Variants in GDPD4 observed in about 807,000 individuals in gnomAD.
GDPD4 encodes glycerophosphodiester phosphodiesterase domain containing 4.
In GDPD4, 60 loss-of-function variants were observed where a neutral mutation model predicts 67.8. The ratio of observed to expected loss-of-function variants is 0.88; its 90% CI spans 0.72 to 1.10. The LOEUF (loss-of-function observed/expected upper bound fraction) is 1.10. Among genes scored for constraint, GDPD4 ranks in the 50% least tolerant of loss-of-function variants. The probability of loss-of-function intolerance (pLI) is 0.00; values close to 1 mark genes in which losing one functional copy is unlikely to be tolerated. For missense variants in GDPD4, 623 were observed against 613.9 expected (o/e 1.01, Z -0.16); for synonymous variants, 212 against 210.9 (o/e 1.00, Z -0.04).
intron 1 of GDPD4, among the ~76,000 whole-genome samples, chr11:77,295,845 A>G (rs1351335842): frequency 1.3e-5 from 2 of 152,208 alleles, no homozygotes; most frequent in Non-Finnish European, 2.9e-5. Context: ...AGATTGGGAG[A>G]AAAACTGTCC....
chr11:77,239,451 A>T (rs2135838308), intron 13 of GDPD4, among the ~76,000 whole-genome samples: 1 of 152,366 alleles, frequency 6.6e-6, no homozygotes, highest in Non-Finnish European at 1.5e-5. Context: ...ATCCACAAAA[A>T]TACTAAAACT....
At chr11:77,254,734 G>C (rs1356311398) in intron 11 of GDPD4, among the ~76,000 whole-genome samples, 1 of 152,118 alleles carries the variant, frequency 6.6e-6, no homozygotes, top group Non-Finnish European at 1.5e-5. Context: ...TTAGCTTCCA[G>C]TATCAACTCC....
At chr11:77,271,057 T>C (rs915667250) in intron 7 of GDPD4, 73 bp downstream of exon 7, 12 of 1,046,820 alleles carry the variant, frequency 1.1e-5, no homozygotes, top group African/African-American at 1.6e-5. Flanking sequence ...CAAGCTTCTG[T>C]TTTCCTGAGT....
At position 77,258,371 on chromosome 11, in the gene GDPD4, G is replaced by A. The variant is rs374229981; in HGVS notation, c.864+15C>T. On this transcript the variant is annotated intron_variant, in intron 11 of 16. Coordinates refer to ENST00000315938, the MANE Select transcript of GDPD4 (RefSeq NM_182833.3). ...AATTCAATGCAGGTTTGTGGAACTT[G>A]GGAATGTGTCTTACCTCTGGTTTTA... 9 of 1,612,702 alleles carry A rather than the reference G, an allele frequency of 5.6e-6. No individual in the cohort carries two copies. Among genetic ancestry groups the A allele is most frequent in the Non-Finnish European group, 7.6e-6 (9 of 1,178,904 alleles).
intron 1 of GDPD4, among the ~76,000 whole-genome samples, chr11:77,290,903 T>C (rs1177464972): frequency 6.6e-6 from 1 of 152,182 alleles, no homozygotes; most frequent in Admixed American, 6.5e-5. Context: ...TAGAGGGCAC[T>C]CTTACACACT....
intron 13 of GDPD4, among the ~76,000 whole-genome samples, chr11:77,242,300 T>TA (rs1052687001): frequency 6.6e-5 from 10 of 152,342 alleles, no homozygotes; most frequent in African/African-American, 2.2e-4. Context: ...TGATGTCGAT[T>TA]AAAAATAATA....
chr11:77,217,022 G>C lies in GDPD4; in HGVS notation c.*255C>G, dbSNP rs1466008447. 2.8e-6 allele frequency: 2 copies of C among 703,578 alleles called. No individual in the cohort carries two copies. The highest frequency in any genetic ancestry group is 2.0e-5 in the Admixed American group (1 of 50,012). The allele number at this position is 703,578 out of a possible 1,614,324, so 43.6% of individuals were successfully genotyped here. On this transcript the variant is annotated 3_prime_UTR_variant, in exon 17 of 17. Coordinates refer to ENST00000315938, the MANE Select transcript of GDPD4 (RefSeq NM_182833.3). ...TGTAGTTTGAAAGGTAGCCTCACTTGTAGCCTGCCTGGTGGGTGCTTGGGT... is the reference window on the plus strand; with the variant it reads ...TGTAGTTTGAAAGGTAGCCTCACTTCTAGCCTGCCTGGTGGGTGCTTGGGT...
intron 16 of GDPD4, among the ~76,000 whole-genome samples, chr11:77,221,854 T>C (rs1461549826): frequency 6.8e-5 from 2 of 29,624 alleles, no homozygotes; most frequent in South Asian, 2.2e-3. Flanking sequence ...CCATTATTAT[T>C]GTGTTGGAGT....
chr11:77,281,390 T>G (rs1032382933), intron 3 of GDPD4, among the ~76,000 whole-genome samples: 1 of 152,062 alleles, frequency 6.6e-6, no homozygotes, highest in South Asian at 2.1e-4. Context: ...CTCGCACAGT[T>G]TGAAATGGAG....
chr11:77,219,608 T>A (rs1291407326), intron 16 of GDPD4, among the ~76,000 whole-genome samples: 1 of 152,222 alleles, frequency 6.6e-6, no homozygotes, highest in African/African-American at 2.4e-5. Context: ...CTAGCCAGTT[T>A]TCCCAGCACC....
At chr11:77,255,884 T>A (rs1456915716) in intron 11 of GDPD4, among the ~76,000 whole-genome samples, 4 of 151,750 alleles carry the variant, frequency 2.6e-5, no homozygotes, top group Admixed American at 2.6e-4. Flanking sequence ...AATAAATAAA[T>A]ATAAAAAAAG....
At chr11:77,259,325 C>T (rs978177424) in intron 10 of GDPD4, among the ~76,000 whole-genome samples, 23 of 152,104 alleles carry the variant, frequency 1.5e-4, no homozygotes, top group Admixed American at 1.4e-3. Context: ...CAGATAGTAT[C>T]ATAAGGTAAG....
At chr11:77,289,742 A>AAGGC (rs963742248) in intron 1 of GDPD4, among the ~76,000 whole-genome samples, 1 of 147,462 alleles carries the variant, frequency 6.8e-6, no homozygotes, top group Non-Finnish European at 1.5e-5. Flanking sequence ...AAAAAGAAGG[A>AAGGC]AGGCAGGCAG....
At chr11:77,274,248 C>G (rs1171200828) in intron 5 of GDPD4, among the ~76,000 whole-genome samples, 1 of 152,202 alleles carries the variant, frequency 6.6e-6, no homozygotes, top group African/African-American at 2.4e-5. Flanking sequence ...ATTCTAATAA[C>G]TCTAAATTTA....
Position 77,269,975 on chromosome 11 carries a change from G to C in GDPD4, c.401-15C>G, listed in dbSNP as rs368630177. The C allele has an allele frequency of 1.6e-5, 22 of 1,391,394 alleles. No homozygotes were observed. The highest frequency in any genetic ancestry group is 2.2e-5 in the Non-Finnish European group (22 of 989,718). 86.2% of individuals were successfully genotyped at this position (1,391,394 alleles called of 1,614,324 possible). A position where few individuals can be genotyped will look rare whatever the true frequency, so the allele number is the denominator to read the frequency against. On this transcript the variant is annotated splice_polypyrimidine_tract_variant and intron_variant, in intron 7 of 16. Transcript: ENST00000315938. ...TCTCATTCTAACTAAAATTTAGAAAGTGAAAAAGAAAAGAGTTCATTATTG... is the reference window on the plus strand; with the variant it reads ...TCTCATTCTAACTAAAATTTAGAAACTGAAAAAGAAAAGAGTTCATTATTG...
At chr11:77,298,240 G>T (rs971757675) in intron 1 of GDPD4, among the ~76,000 whole-genome samples, 1 of 152,144 alleles carries the variant, frequency 6.6e-6, no homozygotes, top group South Asian at 2.1e-4. Flanking sequence ...GGCCAGGCGC[G>T]CTGACTCACG....
intron 1 of GDPD4, among the ~76,000 whole-genome samples, chr11:77,295,951 T>C (rs1315954523): frequency 2.0e-5 from 3 of 152,078 alleles, no homozygotes; most frequent in Non-Finnish European, 4.4e-5. Flanking sequence ...GCAAATTTTA[T>C]CTTAATTAGA....
chr11:77,295,679 T>C (rs562436146), intron 1 of GDPD4, among the ~76,000 whole-genome samples: 4 of 152,192 alleles, frequency 2.6e-5, no homozygotes, highest in South Asian at 4.1e-4. Flanking sequence ...GAAGAAAACA[T>C]AGACGAAATC....
At chr11:77,250,753 T>TAA (rs1438509442) in intron 11 of GDPD4, among the ~76,000 whole-genome samples, 3 of 152,218 alleles carry the variant, frequency 2.0e-5, no homozygotes, top group Non-Finnish European at 4.4e-5. Flanking sequence ...AGTAGGATGT[T>TAA]AAAGTCACCA....
Sources: allele counts gnomAD v4.1 joint callset (sites outside exome capture counted in the v4.1 genomes callset), GRCh38; gene constraint gnomAD v4.1.1; transcripts MANE v1.5; gene names NCBI Gene and HGNC (gene_info 2026-07-23, HGNC 2026-07-21).